The following FAT4 variants were observed in gnomAD, a reference collection of about 807,000 sequenced individuals.
FAT4 encodes the protein FAT atypical cadherin 4.
A neutral mutation model predicts 303.9 loss-of-function variants in FAT4; 84 were observed. That is an observed-to-expected ratio of 0.28 (90% CI 0.23 to 0.33). FAT4 has a LOEUF of 0.33. Ranked by LOEUF, FAT4 falls within the 10% of genes least tolerant of loss-of-function variation. The pLI is 1.00. For missense variants in FAT4, 6,005 were observed against 6,146.8 expected (o/e 0.98, Z 0.77); for synonymous variants, 2,307 against 2,298.8 (o/e 1.00, Z -0.10).
At chr4:125,488,185 G>A (rs984022155) in intron 17 of FAT4, among the ~76,000 whole-genome samples, 2 of 152,174 alleles carry the variant, frequency 1.3e-5, no homozygotes, top group African/African-American at 4.8e-5. Flanking sequence ...TATGTTGATA[G>A]GAATTTTTTT....
chr4:125,385,010 A>G (rs1384937213), intron 2 of FAT4, among the ~76,000 whole-genome samples: 1 of 61,020 alleles, frequency 1.6e-5, no homozygotes, highest in Non-Finnish European at 3.9e-5. Context: ...ACATATATAT[A>G]TATATATATA....
intron 2 of FAT4, among the ~76,000 whole-genome samples, chr4:125,351,707 A>G (rs1732233094): frequency 6.6e-6 from 1 of 151,720 alleles, no homozygotes; most frequent in Admixed American, 6.6e-5. Flanking sequence ...AGAAGGCAGA[A>G]TTTTGTTTTG....
chr4:125,324,129 C>G (rs1017960051), intron 2 of FAT4, among the ~76,000 whole-genome samples: 2 of 152,124 alleles, frequency 1.3e-5, no homozygotes, highest in Non-Finnish European at 2.9e-5. Flanking sequence ...GGGTTTCAGA[C>G]ACAAGATTAA....
At chr4:125,379,314 A>G (rs187748119) in intron 2 of FAT4, among the ~76,000 whole-genome samples, 124 of 151,694 alleles carry the variant, frequency 8.2e-4, no homozygotes, top group Non-Finnish European at 1.6e-3. Context: ...GGGAAATTCC[A>G]TTGGCTATTG....
At chr4:125,350,152 A>G (rs1732168832) in intron 2 of FAT4, among the ~76,000 whole-genome samples, 1 of 151,722 alleles carries the variant, frequency 6.6e-6, no homozygotes, top group Non-Finnish European at 1.5e-5. Context: ...GTAATGGTAA[A>G]TTTTGATTTA....
At chr4:125,321,673 C>T (rs906305871) in intron 2 of FAT4, 87 bp downstream of exon 2, 13 of 1,289,594 alleles carry the variant, frequency 1.0e-5, no homozygotes, top group Non-Finnish European at 1.4e-5. Context: ...AATTGTTTAC[C>T]TTCATTGTTT....
chr4:125,490,982 A>G lies in FAT4; in HGVS notation c.14166A>G (p.Glu4722=). The G allele has an allele frequency of 1.9e-6, 3 of 1,614,200 alleles. No individual in the cohort carries two copies. Among genetic ancestry groups the G allele is most frequent in the Admixed American group, 1.7e-5 (1 of 60,028 alleles). The change falls in exon 18 of 18, where the codon GAA becomes GAG. Residue 4722 remains glutamate, a synonymous_variant. Coordinates refer to ENST00000394329, the MANE Select transcript of FAT4 (RefSeq NM_001291303.3). Reference sequence around the variant, plus strand: ...TCTATAGAAACAGCCCAGCAAGGGAATTGCATCTTCCTATAAGGGATGGTA... The same window carrying G: ...TCTATAGAAACAGCCCAGCAAGGGAGTTGCATCTTCCTATAAGGGATGGTA... ...STFYRNSPAR[E]LHLPIRDGNT...
intron 15 of FAT4, 34 bp downstream of exon 15, chr4:125,479,899 T>C (rs1239708847): frequency 6.8e-7 from 1 of 1,474,634 alleles, no homozygotes; most frequent in South Asian, 1.5e-5. Context: ...CCTGGAAATT[T>C]TAATAACTAT....
chr4:125,440,962 T>A (rs1725642343), intron 8 of FAT4, among the ~76,000 whole-genome samples: 1 of 152,186 alleles, frequency 6.6e-6, no homozygotes, highest in Admixed American at 6.6e-5. Context: ...CTAATGCATC[T>A]GGCACCCATT....
chr4:125,450,713 G>C lies in FAT4; in HGVS notation c.9703G>C (p.Val3235Leu). ...SGTNAVIAYT[V>L]QSSDSDLFVI... ...AACAAATGCTGTGATTGCGTATACT[G>C]TACAGTCATCTGACAGTGACCTCTT... Residue 3235 changes from valine (V) to leucine (L), a missense_variant, in exon 10 of 18, where the codon GTA becomes CTA. Transcript: ENST00000394329. 6.2e-7 allele frequency: 1 copy of C among 1,614,046 alleles called. No homozygotes were observed. Among genetic ancestry groups the C allele is most frequent in the Non-Finnish European group, 8.5e-7 (1 of 1,179,992 alleles).
chr4:125,457,619 TATA>T (rs1312535646), intron 10 of FAT4, among the ~76,000 whole-genome samples: 1 of 152,048 alleles, frequency 6.6e-6, no homozygotes, highest in Non-Finnish European at 1.5e-5. Context: ...AAAATTTTCT[TATA>T]ATTTTTATAT....
At chr4:125,428,738 A>G (rs1725184243) in intron 7 of FAT4, among the ~76,000 whole-genome samples, 1 of 152,160 alleles carries the variant, frequency 6.6e-6, no homozygotes, top group Non-Finnish European at 1.5e-5. Context: ...AAATTTTTTC[A>G]TCTGACTACT....
intron 7 of FAT4, among the ~76,000 whole-genome samples, chr4:125,419,761 T>C (rs1406912369): frequency 2.6e-5 from 4 of 152,178 alleles, no homozygotes; most frequent in Non-Finnish European, 2.9e-5. Flanking sequence ...TTGTCTCCTG[T>C]CAGTTCTGCA....
chr4:125,445,237 C>T (rs1422836094), intron 8 of FAT4, among the ~76,000 whole-genome samples: 1 of 152,052 alleles, frequency 6.6e-6, no homozygotes, highest in Admixed American at 6.6e-5. Context: ...AGGTCCTCAA[C>T]AGTTGATTAT....
chr4:125,482,227 CA>C (rs1305894519), intron 16 of FAT4, among the ~76,000 whole-genome samples: 3 of 152,228 alleles, frequency 2.0e-5, no homozygotes, highest in African/African-American at 7.2e-5. Context: ...AGCATATATT[CA>C]ATTCTCTATA....
intron 2 of FAT4, among the ~76,000 whole-genome samples, chr4:125,385,863 T>A (rs1458208097): frequency 1.3e-5 from 2 of 152,202 alleles, no homozygotes; most frequent in Non-Finnish European, 2.9e-5. Context: ...TTTGTCATAC[T>A]CTTATTCCAC....
rs148436813 is a variant in FAT4 at position 125,462,013 on chromosome 4, C to A, written c.11801-1550C>A. Among the ~76,000 whole-genome samples, 60 of 152,080 alleles carry A rather than the reference C, an allele frequency of 3.9e-4. No individual in the cohort carries two copies. In the East Asian group the frequency reaches 0.011, roughly 29 times the overall value. ...CATAAATTTGTAACTTGTTTATTTT[C>A]ATGCCCTTGCCTTAACAATACAAAG... On this transcript the variant is annotated intron_variant, in intron 10 of 17. Coordinates refer to ENST00000394329, the MANE Select transcript of FAT4 (RefSeq NM_001291303.3).
Position 125,318,025 on chromosome 4 carries a change from G to A in FAT4, c.1614G>A (p.Gly538=). 6.2e-7 allele frequency: 1 copy of A among 1,614,156 alleles called. No homozygotes were observed. The highest frequency in any genetic ancestry group is 1.1e-5 in the South Asian group (1 of 91,080). Residue 538 remains glycine (G), a synonymous_variant, in exon 2 of 18, where the codon GGG becomes GGA. Coordinates refer to ENST00000394329, the MANE Select transcript of FAT4 (RefSeq NM_001291303.3). ...GCCTCGTGACCACTGGGTCCTCTGG[G>A]GGCCTGGACCGTGAACTTGCTTCCC... is the stretch of plus-strand genomic sequence containing the variant. ...HSGLVTTGSS[G]GLDRELASQI... is the part of the protein sequence containing the mutation.
intron 2 of FAT4, among the ~76,000 whole-genome samples, chr4:125,376,034 A>T (rs2125995055): frequency 6.6e-6 from 1 of 152,368 alleles, no homozygotes; most frequent in East Asian, 1.9e-4. Flanking sequence ...CCTGTGTCAG[A>T]TCCCACACTT....
Sources: gnomAD v4.1 joint callset for allele counts (sites outside exome capture counted in the v4.1 genomes callset) on GRCh38, gnomAD v4.1.1 for gene constraint, MANE v1.5 for transcripts, NCBI Gene and HGNC (gene_info 2026-07-23, HGNC 2026-07-21) for gene names.